Variants in ITSN1 observed in about 807,000 individuals in gnomAD.
ITSN1 encodes the protein intersectin 1, also known as intersectin-1.
ITSN1 carries 58 observed loss-of-function variants against 239.8 expected under a neutral mutation model. That is an observed-to-expected ratio of 0.24 (90% confidence interval 0.20 to 0.30). The LOEUF is 0.30. Ranked by LOEUF, ITSN1 falls within the 10% of genes least tolerant of loss-of-function variation. The pLI is 1.00. For missense variants in ITSN1, 1,558 were observed against 2,103.3 expected (o/e 0.74, Z 5.07); for synonymous variants, 780 against 770.8 (o/e 1.01, Z -0.20).
intron 33 of ITSN1, among the ~76,000 whole-genome samples, chr21:33,873,470 G>T (rs1171157540): frequency 6.6e-6 from 1 of 152,194 alleles, no homozygotes; most frequent in Non-Finnish European, 1.5e-5. Context: ...CTTTCTAAGG[G>T]CCAGGTGCTT....
chr21:33,794,005 C>T (rs970888626), intron 16 of ITSN1, among the ~76,000 whole-genome samples: 15 of 152,160 alleles, frequency 9.9e-5, no homozygotes, highest in South Asian at 8.3e-4. Flanking sequence ...TCATGATCAT[C>T]GTCATATCTT....
chr21:33,803,446 TTAAA>T (rs1311378546), intron 20 of ITSN1, among the ~76,000 whole-genome samples: 1 of 152,176 alleles, frequency 6.6e-6, no homozygotes, highest in Non-Finnish European at 1.5e-5. Flanking sequence ...AAGGGATGGC[TTAAA>T]TAAATTATGA....
chr21:33,775,690 A>G (rs2069546706), intron 14 of ITSN1, among the ~76,000 whole-genome samples: 1 of 152,224 alleles, frequency 6.6e-6, no homozygotes, highest in South Asian at 2.1e-4. Flanking sequence ...ACTACTGGGT[A>G]GAGCAGGTGG....
intron 33 of ITSN1, among the ~76,000 whole-genome samples, chr21:33,872,161 C>T (rs1054362218): frequency 6.6e-6 from 1 of 152,146 alleles, no homozygotes; most frequent in African/African-American, 2.4e-5. Context: ...CCAGTGTTGG[C>T]AAAGATCTGG....
Position 33,811,217 on chromosome 21 carries a change from C to T in ITSN1, c.2562C>T (p.Ser854=), listed in dbSNP as rs777185251. The part of the protein sequence containing the change: ...STTPNNWADF[S]STWPTSTNEK... ...CCCCTAATAACTGGGCCGACTTCAG[C>T]TCCACGTACGTGTTGGTGGGCTCTT... The change falls in exon 21 of 40, where the codon AGC becomes AGT. Residue 854 remains serine, a synonymous_variant. Transcript: ENST00000381318. 1.3e-6 allele frequency: 2 copies of T among 1,588,356 alleles called. No individual in the cohort carries two copies. The highest frequency in any genetic ancestry group is 1.7e-6 in the Non-Finnish European group (2 of 1,166,266).
intron 22 of ITSN1, 40 bp downstream of exon 22, chr21:33,814,112 A>G: frequency 6.3e-7 from 1 of 1,588,730 alleles, no homozygotes; most frequent in Non-Finnish European, 8.6e-7. Context: ...TTAGCATGCT[A>G]TCTAGTGCCA....
chr21:33,779,466 C>A (rs2069971385), intron 14 of ITSN1, among the ~76,000 whole-genome samples: 1 of 151,966 alleles, frequency 6.6e-6, no homozygotes, highest in Non-Finnish European at 1.5e-5. Flanking sequence ...TCAGCATATG[C>A]TCTGTCTTGG....
rs1602643179 is a variant in ITSN1 at position 33,865,763 on chromosome 21, G to A, written c.4074+429G>A. Among the ~76,000 whole-genome samples the A allele has an allele frequency of 6.6e-6, 1 of 152,126 alleles. No individual in the cohort carries two copies. The highest frequency in any genetic ancestry group is 2.4e-5 in the African/African-American group (1 of 41,430). Reference sequence around the variant, plus strand: ...TCCCAGTGGCCCCTTCATTCCTTTCGCAGTTGGTTCTGCTTGATGTGCTCC... The same window carrying A: ...TCCCAGTGGCCCCTTCATTCCTTTCACAGTTGGTTCTGCTTGATGTGCTCC... On this transcript the variant is annotated intron_variant, in intron 32 of 39. Transcript: ENST00000381318. This position sits in a 1 kb window ranked among gnomAD's most constrained non-coding sequence, Gnocchi z 4.4.
intron 21 of ITSN1, among the ~76,000 whole-genome samples, chr21:33,811,624 C>G (rs949237121): frequency 2.3e-4 from 35 of 152,250 alleles, no homozygotes; most frequent in East Asian, 1.9e-4. Context: ...AAATTGAATT[C>G]AGTCATGTGG....
At chr21:33,846,300 C>T (rs2074989149) in intron 29 of ITSN1, among the ~76,000 whole-genome samples, 1 of 152,218 alleles carries the variant, frequency 6.6e-6, no homozygotes, top group African/African-American at 2.4e-5. Context: ...GCCACCTCTC[C>T]TGCTCCATTA....
At chr21:33,644,351 T>C (rs1296425161) in intron 1 of ITSN1, among the ~76,000 whole-genome samples, 5 of 152,140 alleles carry the variant, frequency 3.3e-5, no homozygotes, top group Non-Finnish European at 7.4e-5. Context: ...GGACACTAAT[T>C]TGATGATGGT....
Position 33,786,259 on chromosome 21 carries a change from C to G in ITSN1, c.1824+4126C>G, listed in dbSNP as rs77773553. Among the ~76,000 whole-genome samples the G allele has an allele frequency of 7.9e-3, 1,210 of 152,232 alleles. 16 individuals are homozygous for G. Among genetic ancestry groups the G allele is most frequent in the African/African-American group, 0.028 (1,154 of 41,530 alleles). On this transcript the variant is annotated intron_variant, in intron 16 of 39. Coordinates refer to ENST00000381318, the MANE Select transcript of ITSN1 (RefSeq NM_003024.3). Reference sequence around the variant, plus strand: ...GGTAAAATTTATTTACCATTAATTTCTGCTTTTAAAATGTGTTCTGTATGT... The same window carrying G: ...GGTAAAATTTATTTACCATTAATTTGTGCTTTTAAAATGTGTTCTGTATGT...
chr21:33,899,819 G>A lies in ITSN1; in HGVS notation c.*11519G>A, dbSNP rs927255743. ...ACTCTTTGGTCATTTTGACCTGTGT[G>A]GTTTAAATTCAAATAGTTCATGAAT... On this transcript the variant is annotated 3_prime_UTR_variant, in exon 40 of 40. Coordinates refer to ENST00000381318, the MANE Select transcript of ITSN1 (RefSeq NM_003024.3). 17 of 152,098 alleles carry A rather than the reference G, an allele frequency of 1.1e-4. No homozygotes were observed. The highest frequency in any genetic ancestry group is 3.6e-4 in the African/African-American group (15 of 41,408). The allele number at this position is 152,098 out of a possible 1,614,324, so 9.4% of individuals were successfully genotyped here. A position where few individuals can be genotyped will look rare whatever the true frequency, so the allele number is the denominator to read the frequency against.
chr21:33,823,374 C>A, intron 24 of ITSN1, 113 bp from the exon 25 acceptor site: 1 of 943,918 alleles, frequency 1.1e-6, no homozygotes, highest in Non-Finnish European at 1.6e-6. Flanking sequence ...TAGCCTTTCT[C>A]TTGAATGGAT....
In ITSN1 at chr21:33,882,642, A is replaced by C. The variant is rs998685148; in HGVS notation, c.4554+187A>C. Among the ~76,000 whole-genome samples, 4 of 152,046 alleles carry C rather than the reference A, an allele frequency of 2.6e-5. No individual in the cohort carries two copies. Among genetic ancestry groups the C allele is most frequent in the Non-Finnish European group, 4.4e-5 (3 of 68,000 alleles). On this transcript the variant is annotated intron_variant, in intron 35 of 39. Transcript: ENST00000381318. The surrounding 1 kb of genome is among the most constrained non-coding windows in gnomAD (Gnocchi z 4.5). ...CATATCCCGCCGCAGTGTCAGTGAC[A>C]CTCAGTGCTATCGGTGGAACATATT...
At chr21:33,742,617 G>A (rs2066931186) in intron 5 of ITSN1, among the ~76,000 whole-genome samples, 1 of 152,166 alleles carries the variant, frequency 6.6e-6, no homozygotes, top group Non-Finnish European at 1.5e-5. Context: ...ATTTGGAGCA[G>A]TCCAGCCCCT....
intron 29 of ITSN1, among the ~76,000 whole-genome samples, chr21:33,839,104 G>C (rs1197573285): frequency 6.6e-6 from 1 of 152,094 alleles, no homozygotes; most frequent in Admixed American, 6.5e-5. Context: ...GATATTTGGT[G>C]GGGGGGATGT....
In ITSN1 at chr21:33,887,130, C is replaced by G. The variant is rs1261760885; in HGVS notation, c.5017+670C>G. On this transcript the variant is annotated intron_variant, in intron 39 of 39. Transcript: ENST00000381318. ...CCCAGGAGTCTAAGACCAGCCTGGG[C>G]AACATAGTGGGACCTTGTCTCTACA... Among the ~76,000 whole-genome samples the G allele has an allele frequency of 3.9e-5, 6 of 152,144 alleles. 1 individual carries two copies. The East Asian group carries it at 1.2e-3, about 29-fold the overall frequency.
chr21:33,725,611 T>C (rs2065786598), intron 4 of ITSN1, among the ~76,000 whole-genome samples: 1 of 152,076 alleles, frequency 6.6e-6, no homozygotes, highest in Non-Finnish European at 1.5e-5. Flanking sequence ...TAAAAACAGT[T>C]GTCCTAACTT....
Sources: gnomAD v4.1 joint callset for allele counts (sites outside exome capture counted in the v4.1 genomes callset) on GRCh38, gnomAD v4.1.1 for gene constraint, Gnocchi (gnomAD v3.1) non-coding constraint, MANE v1.5 for transcripts, NCBI Gene and HGNC (gene_info 2026-07-23, HGNC 2026-07-21) for gene names.